The following BCAR3 variants were observed in gnomAD, a reference collection of about 807,000 sequenced individuals.
The protein encoded by BCAR3 is BCAR3 adaptor protein, NSP family member.
A neutral mutation model predicts 80.1 loss-of-function variants in BCAR3; 37 were observed. The observed-to-expected ratio is 0.46, with a 90% CI of 0.36 to 0.61. The LOEUF (loss-of-function observed/expected upper bound fraction) is 0.61, where lower values mean the gene tolerates loss of function less well. Among genes scored for constraint, BCAR3 ranks in the 20% least tolerant of loss-of-function variants. The probability of loss-of-function intolerance (pLI) is 0.00; values close to 1 mark genes in which losing one functional copy is unlikely to be tolerated. For missense variants in BCAR3, 978 were observed against 1,068.2 expected (o/e 0.92, Z 1.18); for synonymous variants, 389 against 418.9 (o/e 0.93, Z 0.87).
At chr1:93,784,970 T>G (rs1652889239) in intron 2 of BCAR3, among the ~76,000 whole-genome samples, 1 of 152,138 alleles carries the variant, frequency 6.6e-6, no homozygotes, top group Admixed American at 6.5e-5. Flanking sequence ...AAAGAGCAAA[T>G]TTAAGGGATT....
intron 2 of BCAR3, among the ~76,000 whole-genome samples, chr1:93,770,289 G>A (rs1220832764): frequency 6.6e-6 from 1 of 152,250 alleles, no homozygotes. Flanking sequence ...AGGAGGTACA[G>A]CATCAGTAAT....
At chr1:93,567,984 C>T in intron 9 of BCAR3, 133 bp from the exon 10 acceptor site, 2 of 649,342 alleles carry the variant, frequency 3.1e-6, no homozygotes, top group Non-Finnish European at 5.4e-6. Flanking sequence ...GTCAGGAGTT[C>T]AAGACCAGTC....
At chr1:93,652,807 A>G (rs1159420604) in intron 2 of BCAR3, among the ~76,000 whole-genome samples, 2 of 152,232 alleles carry the variant, frequency 1.3e-5, no homozygotes, top group Non-Finnish European at 2.9e-5. Context: ...AGCAGGGTGA[A>G]ACTGGACTCC....
chr1:93,642,351 G>C lies in BCAR3; in HGVS notation c.318-8C>G. The C allele has an allele frequency of 6.2e-7, 1 of 1,610,822 alleles. No homozygotes were observed. Among genetic ancestry groups the C allele is most frequent in the East Asian group, 2.2e-5 (1 of 44,868 alleles). On this transcript the variant is annotated splice_polypyrimidine_tract_variant and splice_region_variant and intron_variant, in intron 2 of 11. Coordinates refer to ENST00000260502, the MANE Select transcript of BCAR3 (RefSeq NM_003567.4). ...TCCAGAAGATGTGGATCCCTGAAAA[G>C]AGAAAATATAAATATGAGAATGGTT... is the stretch of plus-strand genomic sequence containing the variant.
intron 2 of BCAR3, among the ~76,000 whole-genome samples, chr1:93,657,949 TC>T (rs1647467365): frequency 6.6e-6 from 1 of 151,082 alleles, no homozygotes; most frequent in South Asian, 2.1e-4. Context: ...TGTTACTGCT[TC>T]TTTTTTTTTT....
intron 2 of BCAR3, among the ~76,000 whole-genome samples, chr1:93,808,083 CAG>C (rs1481561457): frequency 1.3e-4 from 20 of 148,286 alleles, no homozygotes; most frequent in Non-Finnish European, 7.4e-5. Context: ...GAAAAAATTG[CAG>C]AGAGTCCCTC....
chr1:93,739,300 T>C (rs1304731304), intron 2 of BCAR3, among the ~76,000 whole-genome samples: 1 of 152,092 alleles, frequency 6.6e-6, no homozygotes, highest in Non-Finnish European at 1.5e-5. Context: ...TACTCAAGGA[T>C]GGGTGAAAAT....
At chr1:93,712,996 C>G (rs568823555) in intron 2 of BCAR3, among the ~76,000 whole-genome samples, 184 of 152,312 alleles carry the variant, frequency 1.2e-3, no homozygotes, top group Non-Finnish European at 2.2e-3. Flanking sequence ...TTTCATCTTC[C>G]TTTTTCTCTA....
chr1:93,695,899 T>G (rs953932704), intron 3 of BCAR3, among the ~76,000 whole-genome samples: 3 of 152,224 alleles, frequency 2.0e-5, no homozygotes, highest in African/African-American at 7.2e-5. Context: ...GCTACCTCTC[T>G]GACAGTTTCC....
intron 2 of BCAR3, among the ~76,000 whole-genome samples, chr1:93,798,987 A>G (rs925226728): frequency 2.0e-5 from 3 of 152,218 alleles, no homozygotes; most frequent in Non-Finnish European, 2.9e-5. Flanking sequence ...GTAAAAGTAC[A>G]TTGTAATAAA....
intron 2 of BCAR3, among the ~76,000 whole-genome samples, chr1:93,707,803 A>C (rs1649876557): frequency 6.6e-6 from 1 of 152,232 alleles, no homozygotes. Flanking sequence ...GATCAAAAAG[A>C]AAACAACGTA....
intron 2 of BCAR3, among the ~76,000 whole-genome samples, chr1:93,843,702 G>C (rs557244578): frequency 6.6e-6 from 1 of 152,172 alleles, no homozygotes; most frequent in South Asian, 2.1e-4. Flanking sequence ...AATTTTTACC[G>C]GTAGGAATGC....
At chr1:93,709,005 A>G (rs1157102052) in intron 2 of BCAR3, among the ~76,000 whole-genome samples, 1 of 152,146 alleles carries the variant, frequency 6.6e-6, no homozygotes, top group Admixed American at 6.6e-5. Flanking sequence ...AGGAGAGTCG[A>G]TTGCACATGT....
intron 2 of BCAR3, among the ~76,000 whole-genome samples, chr1:93,812,249 C>T (rs914000403): frequency 2.0e-5 from 3 of 152,166 alleles, no homozygotes; most frequent in East Asian, 1.9e-4. Flanking sequence ...TTATTTTCCA[C>T]GCACCCTTAC....
At chr1:93,583,501 CCT>C (rs150519445) in intron 6 of BCAR3, among the ~76,000 whole-genome samples, 2,025 of 152,172 alleles carry the variant, frequency 0.013, 42 homozygotes, top group African/African-American at 0.041. Context: ...AAAACAACCC[CCT>C]GTCTTACTAA....
chr1:93,580,230 C>G (rs1673641883), intron 7 of BCAR3, among the ~76,000 whole-genome samples: 1 of 152,182 alleles, frequency 6.6e-6, no homozygotes, highest in Non-Finnish European at 1.5e-5. Context: ...CTTTGGCACT[C>G]CCTGCAGGAG....
Position 93,748,736 on chromosome 1 carries a change from A to G in BCAR3, c.-62-42594T>C, listed in dbSNP as rs552388915. Among the ~76,000 whole-genome samples, 3 of 152,288 alleles carry G rather than the reference A, an allele frequency of 2.0e-5. No homozygotes were observed. The East Asian group carries it at 5.8e-4, about 29-fold the overall frequency. The stretch of plus-strand genomic sequence containing the variant: ...AATAGCACTTCAAATACTGACCTAC[A>G]TATTTTTCCATAGTGTCGCATGGCC... On this transcript the variant is annotated intron_variant, in intron 2 of 13. Coordinates refer to the BCAR3 transcript ENST00000370244.
At chr1:93,653,883 T>G (rs2101922687) in intron 2 of BCAR3, among the ~76,000 whole-genome samples, 1 of 152,346 alleles carries the variant, frequency 6.6e-6, no homozygotes, top group African/African-American at 2.4e-5. Context: ...TTTGGGGGAC[T>G]GCAAGCTGTT....
chr1:93,665,397 CA>C (rs775678637), intron 2 of BCAR3, among the ~76,000 whole-genome samples: 4,113 of 144,126 alleles, frequency 0.029, 127 homozygotes, highest in African/African-American at 0.085. Context: ...ATTCTATCAT[CA>C]AAAAAAAAAA....
Sources: allele counts gnomAD v4.1 joint callset (sites outside exome capture counted in the v4.1 genomes callset), GRCh38; gene constraint gnomAD v4.1.1; transcripts MANE v1.5; gene names NCBI Gene and HGNC (gene_info 2026-07-23, HGNC 2026-07-21).